Variants in RAB6A observed in about 807,000 individuals in gnomAD.
The protein encoded by RAB6A is ras-related protein Rab-6A.
Under a neutral mutation model 32.3 loss-of-function variants are expected in RAB6A, and 8 were observed. The ratio of observed to expected loss-of-function variants is 0.25; its 90% confidence interval spans 0.15 to 0.45. The LOEUF (loss-of-function observed/expected upper bound fraction) is 0.45, where lower values mean the gene tolerates loss of function less well. Among genes scored for constraint, RAB6A ranks in the 20% least tolerant of loss-of-function variants. RAB6A has a pLI of 1.00. For missense variants in RAB6A, 104 were observed against 249.4 expected (o/e 0.42, Z 3.93); for synonymous variants, 73 against 82.1 (o/e 0.89, Z 0.60).
intron 1 of RAB6A, among the ~76,000 whole-genome samples, chr11:73,757,944 G>A (rs1342991234): frequency 6.6e-6 from 1 of 152,192 alleles, no homozygotes; most frequent in African/African-American, 2.4e-5. Context: ...CTTCATGGGA[G>A]TTGCATTCTT....
chr11:73,748,651 C>T (rs1333668430), intron 1 of RAB6A, among the ~76,000 whole-genome samples: 2 of 152,074 alleles, frequency 1.3e-5, no homozygotes, highest in African/African-American at 2.4e-5. Context: ...TGCTAGTCTC[C>T]GTATTTTTCT....
rs869261713 is a variant in RAB6A, at chr11:73,757,129, A to AT, written c.70+3436dup. Among the ~76,000 whole-genome samples, 56 of 30,354 alleles carry AT rather than the reference A, an allele frequency of 1.8e-3. 5 individuals are homozygous for AT. Among genetic ancestry groups the AT allele is most frequent in the Non-Finnish European group, 2.5e-3 (49 of 19,876 alleles). 19.9% of individuals were successfully genotyped at this position (30,354 alleles called of 152,430 possible). ...TATATATATATATATATATATATAT[A>AT]TTTTTTTTTTTTTTTTTTTTTTTTT... On this transcript the variant is annotated intron_variant, in intron 1 of 7. Transcript: ENST00000336083.
intron 1 of RAB6A, among the ~76,000 whole-genome samples, chr11:73,753,311 T>C (rs1416034459): frequency 2.6e-5 from 4 of 152,052 alleles, no homozygotes. Context: ...GTGACTCTCC[T>C]GCCTCAGCCT....
At chr11:73,707,753 C>A (rs1266956740) in intron 5 of RAB6A, among the ~76,000 whole-genome samples, 2 of 152,032 alleles carry the variant, frequency 1.3e-5, no homozygotes, top group Non-Finnish European at 2.9e-5. Flanking sequence ...CTGGGCTCAT[C>A]CTGTAATTTT....
intron 6 of RAB6A, among the ~76,000 whole-genome samples, chr11:73,691,089 C>T (rs1945552925): frequency 6.6e-6 from 1 of 152,038 alleles, no homozygotes; most frequent in Non-Finnish European, 1.5e-5. Flanking sequence ...CAGGGACACA[C>T]AGAAAGGGGA....
In RAB6A at chr11:73,723,204, C is replaced by T. The variant is rs887834242; in HGVS notation, c.130-2305G>A. Among the ~76,000 whole-genome samples, 72 of 151,906 alleles carry T rather than the reference C, an allele frequency of 4.7e-4. 1 individual carries two copies. Among genetic ancestry groups the T allele is most frequent in the Non-Finnish European group, 2.1e-4 (14 of 67,980 alleles). On this transcript the variant is annotated intron_variant, in intron 2 of 7. Coordinates refer to ENST00000336083, the MANE Select transcript of RAB6A (RefSeq NM_198896.2). ...GCAGTTAGTCTCTACCCAAATTGGA[C>T]GGAACACATTTAAAAATCATGTACA...
At chr11:73,708,347 T>C (rs752595298) in intron 5 of RAB6A, among the ~76,000 whole-genome samples, 3 of 152,182 alleles carry the variant, frequency 2.0e-5, no homozygotes, top group African/African-American at 4.8e-5. Context: ...TTTTGTATTT[T>C]TAGTAGAGAC....
At chr11:73,686,006 C>T (rs1298821137) in intron 6 of RAB6A, among the ~76,000 whole-genome samples, 1 of 150,034 alleles carries the variant, frequency 6.7e-6, no homozygotes, top group Non-Finnish European at 1.5e-5. Context: ...AAATGTTATA[C>T]AATTCTGCAG....
chr11:73,749,033 G>A lies in RAB6A; in HGVS notation c.70+11533C>T, dbSNP rs371859618. On this transcript the variant is annotated intron_variant, in intron 1 of 7. Transcript: ENST00000336083. ...CCAACTACTTGGGAGGCTGAGGCACGAGAATCTCTTGAACCCGGAAGGCAA... is the reference window on the plus strand; with the variant it reads ...CCAACTACTTGGGAGGCTGAGGCACAAGAATCTCTTGAACCCGGAAGGCAA... 1.6e-4 allele frequency among the ~76,000 whole-genome samples: 24 copies of A among 152,148 alleles called. No individual in the cohort carries two copies. In the East Asian group the frequency reaches 2.5e-3, roughly 16 times the overall value.
chr11:73,749,835 C>G (rs190915717), intron 1 of RAB6A, among the ~76,000 whole-genome samples: 46 of 152,226 alleles, frequency 3.0e-4, no homozygotes, highest in African/African-American at 1.1e-3. Flanking sequence ...ACTCTCCAGC[C>G]TGGGTAACAG....
At chr11:73,703,181 G>A (rs541700288) in intron 6 of RAB6A, among the ~76,000 whole-genome samples, 59 of 152,142 alleles carry the variant, frequency 3.9e-4, no homozygotes, top group Middle Eastern at 6.8e-3. Flanking sequence ...GCAAAGAAAC[G>A]GAAGATGAAC....
rs1945266833 is a variant in RAB6A at position 73,676,116 on chromosome 11, TG to T, written c.*1781del. 1 of 167,004 alleles carries T rather than the reference TG, an allele frequency of 6.0e-6. No individual in the cohort carries two copies. 10.3% of individuals were successfully genotyped at this position (167,004 alleles called of 1,614,324 possible). A position where few individuals can be genotyped will look rare whatever the true frequency, so the allele number is the denominator to read the frequency against. On this transcript the variant is annotated 3_prime_UTR_variant, in exon 8 of 8. Coordinates refer to ENST00000336083, the MANE Select transcript of RAB6A (RefSeq NM_198896.2). ...CTGAATATTACAAGGTGACAATAAG[TG>T]GGAAGTGGAGGAGGAAGAGGAAAGA...
At chr11:73,748,907 T>C (rs1313340242) in intron 1 of RAB6A, among the ~76,000 whole-genome samples, 2 of 152,104 alleles carry the variant, frequency 1.3e-5, no homozygotes, top group East Asian at 3.9e-4. Context: ...GGCAGATCAA[T>C]TGAGGTAAGG....
At chr11:73,739,009 T>A (rs1946446166) in intron 1 of RAB6A, among the ~76,000 whole-genome samples, 1 of 148,954 alleles carries the variant, frequency 6.7e-6, no homozygotes, top group African/African-American at 2.5e-5. Context: ...GGCTCATGCC[T>A]GTAATCCCAG....
At chr11:73,727,612 G>C (rs1565367795) in intron 2 of RAB6A, among the ~76,000 whole-genome samples, 2 of 151,936 alleles carry the variant, frequency 1.3e-5, no homozygotes, top group African/African-American at 2.4e-5. Flanking sequence ...CAACTCTAAG[G>C]CTCATTACAT....
chr11:73,687,358 C>A (rs1055442610), intron 6 of RAB6A, among the ~76,000 whole-genome samples: 1 of 152,234 alleles, frequency 6.6e-6, no homozygotes, highest in Middle Eastern at 3.4e-3. Context: ...ATTTTGTCTA[C>A]GGAAAATGGA....
chr11:73,694,509 G>T (rs537392882), intron 6 of RAB6A, among the ~76,000 whole-genome samples: 4 of 152,302 alleles, frequency 2.6e-5, no homozygotes, highest in East Asian at 1.9e-4. Context: ...TCTTGGGTAA[G>T]AAGAATTTGT....
At chr11:73,733,441 C>T (rs903328490) in intron 1 of RAB6A, among the ~76,000 whole-genome samples, 1 of 151,658 alleles carries the variant, frequency 6.6e-6, no homozygotes, top group African/African-American at 2.4e-5. Context: ...CCCAGCTACG[C>T]AGGAGACTGA....
At chr11:73,735,940 AGAGAG>A (rs1946386339) in intron 1 of RAB6A, among the ~76,000 whole-genome samples, 1 of 137,562 alleles carries the variant, frequency 7.3e-6, no homozygotes, top group African/African-American at 2.6e-5. Context: ...AAAAAAAAAG[AGAGAG>A]AGAGACAGAG....
Sources: gnomAD v4.1 joint callset for allele counts (sites outside exome capture counted in the v4.1 genomes callset) on GRCh38, gnomAD v4.1.1 for gene constraint, MANE v1.5 for transcripts, NCBI Gene and HGNC (gene_info 2026-07-23, HGNC 2026-07-21) for gene names.